Variants in PTPRT observed in about 807,000 individuals in gnomAD.
PTPRT encodes protein tyrosine phosphatase receptor type T.
Under a neutral mutation model 176.8 loss-of-function variants are expected in PTPRT, and 56 were observed. That is an observed-to-expected ratio of 0.32 (90% confidence interval 0.26 to 0.40). The LOEUF is 0.40. PTPRT is among the 10% of genes least tolerant of loss of function. PTPRT has a pLI of 1.00. For synonymous variants in PTPRT, 783 were observed against 739.0 expected, an observed-to-expected ratio of 1.06 and a Z score of -0.96; for missense variants, 1,540 against 1,908.2, an observed-to-expected ratio of 0.81 and a Z score of 3.60.
At chr20:42,808,461 A>AT (rs2077645889) in intron 2 of PTPRT, among the ~76,000 whole-genome samples, 1 of 152,128 alleles carries the variant, frequency 6.6e-6, no homozygotes, top group African/African-American at 2.4e-5. Flanking sequence ...GTCCAGGACT[A>AT]TGACAGCACA....
At chr20:42,812,329 A>C (rs1174871873) in intron 2 of PTPRT, among the ~76,000 whole-genome samples, 1 of 152,156 alleles carries the variant, frequency 6.6e-6, no homozygotes, top group African/African-American at 2.4e-5. Flanking sequence ...ACCATTATTT[A>C]TTTCTAAAAC....
chr20:42,369,082 CTCCTTCCT>C (rs1010762461), intron 9 of PTPRT, among the ~76,000 whole-genome samples: 1 of 150,260 alleles, frequency 6.7e-6, no homozygotes, highest in Non-Finnish European at 1.5e-5. Flanking sequence ...CTCTCCTTCC[CTCCTTCCT>C]TCCTTCCCTC....
chr20:42,172,516 G>T (rs1356532381), intron 16 of PTPRT, among the ~76,000 whole-genome samples: 1 of 152,116 alleles, frequency 6.6e-6, no homozygotes, highest in Admixed American at 6.5e-5. Flanking sequence ...CCATCACCTG[G>T]GTGCTAGCTT....
chr20:42,114,576 T>A (rs373908592), intron 22 of PTPRT, among the ~76,000 whole-genome samples: 1 of 152,186 alleles, frequency 6.6e-6, no homozygotes, highest in South Asian at 2.1e-4. Context: ...GGCTGGATAA[T>A]CCTTTGTTGT....
At chr20:43,001,850 A>G (rs1984575414) in intron 1 of PTPRT, among the ~76,000 whole-genome samples, 1 of 148,042 alleles carries the variant, frequency 6.8e-6, no homozygotes, top group Non-Finnish European at 1.5e-5. Flanking sequence ...AGTATCAAAC[A>G]TTGTAAAACA....
chr20:42,934,628 T>C (rs1980058656), intron 1 of PTPRT, among the ~76,000 whole-genome samples: 1 of 152,166 alleles, frequency 6.6e-6, no homozygotes, highest in South Asian at 2.1e-4. Flanking sequence ...GACAGAGATA[T>C]TAGCTCTGAA....
chr20:42,220,637 A>G lies in PTPRT; in HGVS notation c.2342+15592T>C, dbSNP rs557920324. Among the ~76,000 whole-genome samples the G allele has an allele frequency of 1.6e-3, 250 of 152,312 alleles. 1 individual carries two copies. The highest frequency in any genetic ancestry group is 2.9e-3 in the Non-Finnish European group (200 of 68,024). On this transcript the variant is annotated intron_variant, in intron 15 of 30. Transcript: ENST00000373187. ...ATGTCCAGAAAATATAACATGAAACATTGTTATGTATAAATATCATAATCA... is the reference window on the plus strand; with the variant it reads ...ATGTCCAGAAAATATAACATGAAACGTTGTTATGTATAAATATCATAATCA...
At chr20:43,024,084 A>G (rs1985815906) in intron 1 of PTPRT, among the ~76,000 whole-genome samples, 2 of 152,220 alleles carry the variant, frequency 1.3e-5, no homozygotes, top group Middle Eastern at 3.4e-3. Flanking sequence ...TGAGCACCGT[A>G]TCCAAGGCAC....
intron 12 of PTPRT, among the ~76,000 whole-genome samples, chr20:42,312,168 A>G (rs189293349): frequency 2.6e-5 from 4 of 152,264 alleles, no homozygotes; most frequent in African/African-American, 9.6e-5. Flanking sequence ...CGTATTCCAC[A>G]TTTCTCAATT....
At chr20:42,402,133 A>G (rs1410899675) in intron 9 of PTPRT, among the ~76,000 whole-genome samples, 1 of 152,218 alleles carries the variant, frequency 6.6e-6, no homozygotes, top group Non-Finnish European at 1.5e-5. Context: ...AAGTTTGCAG[A>G]GAGAGCACAG....
chr20:42,849,738 T>C (rs1413182350), intron 2 of PTPRT, among the ~76,000 whole-genome samples: 8 of 152,184 alleles, frequency 5.3e-5, no homozygotes, highest in Non-Finnish European at 7.3e-5. Flanking sequence ...ACACGATCAC[T>C]CTAGGGATTA....
chr20:42,055,648 G>A, the PTPRT span, among the ~76,000 whole-genome samples: 1 of 152,158 alleles, frequency 6.6e-6, no homozygotes, highest in South Asian at 2.1e-4. Flanking sequence ...ATTTCCTCTT[G>A]TCTTCCCTGG....
intron 6 of PTPRT, among the ~76,000 whole-genome samples, chr20:42,717,847 A>G (rs747144329): frequency 5.6e-4 from 85 of 152,090 alleles, no homozygotes; most frequent in African/African-American, 2.0e-3. Context: ...TCCAATTCAA[A>G]CACATGACAT....
intron 8 of PTPRT, among the ~76,000 whole-genome samples, chr20:42,451,043 T>C (rs1223899022): frequency 6.6e-6 from 1 of 152,234 alleles, no homozygotes; most frequent in African/African-American, 2.4e-5. Flanking sequence ...GGTGCTGTAG[T>C]GTGGTGGACA....
At chr20:42,085,952 C>CTTTT in intron 27 of PTPRT, 99 bp from the exon 28 acceptor site, 2 of 1,095,714 alleles carry the variant, frequency 1.8e-6, no homozygotes, top group East Asian at 2.9e-5. Flanking sequence ...TTTTCTTTTT[C>CTTTT]TTTTTTTTTT....
At chr20:42,394,870 C>T (rs16986836) in intron 9 of PTPRT, among the ~76,000 whole-genome samples, 10,362 of 152,220 alleles carry the variant, frequency 0.068, 441 homozygotes, top group African/African-American at 0.12. Context: ...ACAGAATCCT[C>T]TGAAACCATT....
chr20:42,215,177 T>C (rs2055739473), intron 15 of PTPRT, among the ~76,000 whole-genome samples: 1 of 152,128 alleles, frequency 6.6e-6, no homozygotes, highest in Non-Finnish European at 1.5e-5. Context: ...ATGAATGCTG[T>C]CTGAGCTCTG....
chr20:42,696,047 A>G (rs989727102), intron 6 of PTPRT, among the ~76,000 whole-genome samples: 1 of 152,032 alleles, frequency 6.6e-6, no homozygotes. Flanking sequence ...CGATGTGATA[A>G]TATTTCTGAG....
At chr20:42,982,768 G>A (rs777122925) in intron 1 of PTPRT, among the ~76,000 whole-genome samples, 4 of 152,128 alleles carry the variant, frequency 2.6e-5, no homozygotes, top group African/African-American at 9.7e-5. Context: ...TCCCACACCC[G>A]CCCTCCTGAG....
Sources: allele counts gnomAD v4.1 joint callset (sites outside exome capture counted in the v4.1 genomes callset), GRCh38; gene constraint gnomAD v4.1.1; transcripts MANE v1.5; gene names NCBI Gene and HGNC (gene_info 2026-07-23, HGNC 2026-07-21).